ALDH3A2: variants seen among roughly 807,000 people sequenced by gnomAD.
ALDH3A2 encodes aldehyde dehydrogenase 3 family member A2.
In ALDH3A2, 36 loss-of-function variants were observed where a neutral mutation model predicts 51.3. The ratio of observed to expected loss-of-function variants is 0.70; its 90% CI spans 0.54 to 0.93. The LOEUF (loss-of-function observed/expected upper bound fraction) is 0.93, where lower values mean the gene tolerates loss of function less well. Ranked by LOEUF, ALDH3A2 falls within the 40% of genes least tolerant of loss-of-function variation. The probability of loss-of-function intolerance (pLI) is 0.00; values close to 1 mark genes in which losing one functional copy is unlikely to be tolerated. For synonymous variants in ALDH3A2, 199 were observed against 219.8 expected (o/e 0.91, Z 0.84); for missense variants, 552 against 603.1 (o/e 0.92, Z 0.89).
chr17:19,670,563 C>CT (rs112210347), intron 8 of ALDH3A2, among the ~76,000 whole-genome samples: 3,177 of 137,602 alleles, frequency 0.023, 119 homozygotes, highest in African/African-American at 0.075. Context: ...CTCCCTTATT[C>CT]TTTTTTTTTT....
In ALDH3A2 at chr17:19,675,678, T is replaced by C; in HGVS notation, c.*106T>C. 8.0e-7 allele frequency: 1 copy of C among 1,251,572 alleles called. No individual in the cohort carries two copies. Among genetic ancestry groups the C allele is most frequent in the Non-Finnish European group, 1.2e-6 (1 of 852,332 alleles). 77.5% of individuals were successfully genotyped at this position (1,251,572 alleles called of 1,614,324 possible). On this transcript the variant is annotated 3_prime_UTR_variant, in exon 10 of 10. Transcript: ENST00000176643. ...TCATACCAAAAATAGTAAGAAAATATGCAAACACTCTGTGATCAAACTTAA... is the reference window on the plus strand; with the variant it reads ...TCATACCAAAAATAGTAAGAAAATACGCAAACACTCTGTGATCAAACTTAA...
chr17:19,656,285 T>G, intron 3 of ALDH3A2, 81 bp from the exon 4 acceptor site: 12 of 1,224,034 alleles, frequency 9.8e-6, no homozygotes, highest in South Asian at 1.3e-5. Context: ...GAATGTTACA[T>G]GTTTATGTTG....
intron 3 of ALDH3A2, chr17:19,655,197 A>T (rs1208748737): frequency 6.6e-6 from 1 of 152,194 alleles, no homozygotes. Flanking sequence ...GCTTAAAAAT[A>T]TCTTACCTGT....
At chr17:19,673,546 C>T (rs982169235) in intron 9 of ALDH3A2, among the ~76,000 whole-genome samples, 7 of 151,818 alleles carry the variant, frequency 4.6e-5, no homozygotes, top group African/African-American at 1.7e-4. Flanking sequence ...GGTGAAACCC[C>T]ATCTCTACTA....
chr17:19,652,158 G>T (rs896126409), intron 2 of ALDH3A2, among the ~76,000 whole-genome samples: 1 of 152,180 alleles, frequency 6.6e-6, no homozygotes, highest in African/African-American at 2.4e-5. Context: ...AGTAATGCTA[G>T]CTTGGGTATA....
rs2085127223 is a variant in ALDH3A2, at chr17:19,672,250, G to T, written c.1443+294G>T. On this transcript the variant is annotated intron_variant, in intron 9 of 9. Coordinates refer to ENST00000176643, the MANE Select transcript of ALDH3A2 (RefSeq NM_000382.3). Reference sequence around the variant, plus strand: ...ATTACAGAAAAGTTTGCTGATCTCTGGTCTAAGAGATTAAAACAGCGTAGA... The same window carrying T: ...ATTACAGAAAAGTTTGCTGATCTCTTGTCTAAGAGATTAAAACAGCGTAGA... 4 of 468,176 alleles carry T rather than the reference G, an allele frequency of 8.5e-6. No individual in the cohort carries two copies. In the South Asian group the frequency reaches 9.1e-5, roughly 11 times the overall value. 29.0% of individuals were successfully genotyped at this position (468,176 alleles called of 1,614,324 possible).
upstream of ALDH3A2, chr17:19,648,637 C>A (rs1244018891): frequency 7.4e-6 from 3 of 403,654 alleles, no homozygotes; most frequent in Admixed American, 1.1e-4. Context: ...CCCCCTACAT[C>A]CCAGCCCGCT....
chr17:19,656,680 A>G (rs2084902672), intron 4 of ALDH3A2, 106 bp downstream of exon 4: 3 of 1,136,126 alleles, frequency 2.6e-6, no homozygotes, highest in Non-Finnish European at 3.9e-6. Context: ...GCTCCAAGAT[A>G]CATTATTAAG....
At chr17:19,668,028 C>T (rs917403213) in intron 8 of ALDH3A2, among the ~76,000 whole-genome samples, 6 of 152,276 alleles carry the variant, frequency 3.9e-5, no homozygotes, top group African/African-American at 7.2e-5. Context: ...AAAAGGGTCT[C>T]ATTTCAATTT....
rs1179951672 is a variant in ALDH3A2 at position 19,652,527 on chromosome 17, C to G, written c.386-20C>G. 1.3e-6 allele frequency: 2 copies of G among 1,577,530 alleles called. No individual in the cohort carries two copies. Among genetic ancestry groups the G allele is most frequent in the Non-Finnish European group, 1.7e-6 (2 of 1,147,050 alleles). ...AAGTTAAATATTAGATGATACTGTT[C>G]TACTTTTTACTTTATTTAGGAAATG... On this transcript the variant is annotated intron_variant, in intron 2 of 9. Transcript: ENST00000176643.
chr17:19,665,351 CAAAT>C (rs2085021687), intron 8 of ALDH3A2, among the ~76,000 whole-genome samples: 1 of 150,628 alleles, frequency 6.6e-6, no homozygotes, highest in South Asian at 2.1e-4. Flanking sequence ...AATCAGGTCT[CAAAT>C]TAATTAAGAA....
chr17:19,665,217 C>A (rs2152331236), intron 8 of ALDH3A2, among the ~76,000 whole-genome samples, 170 bp downstream of exon 8: 1 of 152,228 alleles, frequency 6.6e-6, no homozygotes, highest in Non-Finnish European at 1.5e-5. Flanking sequence ...CTTCCCCACC[C>A]ACCCCTCCAG....
intron 5 of ALDH3A2, chr17:19,659,738 G>C (rs1037870978): frequency 1.3e-5 from 2 of 151,902 alleles, no homozygotes; most frequent in African/African-American, 4.8e-5. Flanking sequence ...CTACTTGGCA[G>C]GCTGAGGTAG....
Position 19,671,938 on chromosome 17 carries a change from A to G in ALDH3A2, c.1425A>G (p.Val475=), listed in dbSNP as rs1363215556. 1 of 1,614,120 alleles carries G rather than the reference A, an allele frequency of 6.2e-7. No individual in the cohort carries two copies. Among genetic ancestry groups the G allele is most frequent in the South Asian group, 1.1e-5 (1 of 91,082 alleles). ...GLLLLTFLGI[V]AAVLVKAEYY ...TGTTGCTCACTTTCCTGGGTATTGT[A>G]GCCGCTGTGCTTGTCAAGGTGAGTC... Residue 475 remains valine (V), a synonymous_variant, in exon 9 of 10, where the codon GTA becomes GTG. Coordinates refer to ENST00000176643, the MANE Select transcript of ALDH3A2 (RefSeq NM_000382.3).
upstream of ALDH3A2, chr17:19,648,625 C>A: frequency 2.7e-6 from 1 of 367,806 alleles, no homozygotes; most frequent in East Asian, 6.5e-5. Context: ...CTGCTCACTC[C>A]ACCCCCTACA....
chr17:19,652,845 T>C, intron 3 of ALDH3A2: 1 of 571,500 alleles, frequency 1.7e-6, no homozygotes, highest in East Asian at 3.0e-5. Flanking sequence ...ACAATATATG[T>C]AGGCCCATGG....
In ALDH3A2 at chr17:19,648,943, G is replaced by T; in HGVS notation, c.-29G>T. The stretch of plus-strand genomic sequence containing the variant: ...CGCCTCCCACTCCCCAGCGCCCCCG[G>T]ACCGTGCAGTTCTCTGCAGGACCAG... On this transcript the variant is annotated 5_prime_UTR_variant, in exon 1 of 10. Transcript: ENST00000176643. 12 of 1,566,558 alleles carry T rather than the reference G, an allele frequency of 7.7e-6. No homozygotes were observed. Among genetic ancestry groups the T allele is most frequent in the Non-Finnish European group, 1.0e-5 (12 of 1,156,756 alleles).
At position 19,648,758 on chromosome 17, in the gene ALDH3A2, C is replaced by A; in HGVS notation, c.-214C>A. On this transcript the variant is annotated 5_prime_UTR_variant, in exon 1 of 10. Transcript: ENST00000176643. Reference sequence around the variant, plus strand: ...AGGCTTTGGGTCGAGCTCAGTCCTCCCCCGGCGCCTCCGACTGGCAGTGGG... The same window carrying A: ...AGGCTTTGGGTCGAGCTCAGTCCTCACCCGGCGCCTCCGACTGGCAGTGGG... The A allele has an allele frequency of 1.5e-6, 1 of 646,056 alleles. No individual in the cohort carries two copies. Among genetic ancestry groups the A allele is most frequent in the Non-Finnish European group, 2.7e-6 (1 of 375,598 alleles). The allele number at this position is 646,056 out of a possible 1,614,324, so 40.0% of individuals were successfully genotyped here.
chr17:19,652,401 C>G, intron 2 of ALDH3A2, 146 bp from the exon 3 acceptor site: 2 of 662,080 alleles, frequency 3.0e-6, no homozygotes, highest in Non-Finnish European at 5.4e-6. Context: ...GTGAGATGAG[C>G]TCTTATGCTA....
Sources: allele counts gnomAD v4.1 joint callset (sites outside exome capture counted in the v4.1 genomes callset), GRCh38; gene constraint gnomAD v4.1.1; transcripts MANE v1.5; gene names NCBI Gene and HGNC (gene_info 2026-07-23, HGNC 2026-07-21).